The following CNTN4 variants were observed in gnomAD, a reference collection of about 807,000 sequenced individuals.
CNTN4 encodes contactin 4, also known as contactin-4.
Under a neutral mutation model 122.5 loss-of-function variants are expected in CNTN4, and 77 were observed. The ratio of observed to expected loss-of-function variants is 0.63; its 90% CI spans 0.52 to 0.76. The LOEUF is 0.76. CNTN4 is among the 30% of genes least tolerant of loss of function. The pLI, the probability that CNTN4 is intolerant of heterozygous loss-of-function variation, is 0.00. For synonymous variants in CNTN4, 512 were observed against 447.0 expected, an observed-to-expected ratio of 1.15 and a Z score of -1.83; for missense variants, 1,256 against 1,259.1, an observed-to-expected ratio of 1.00 and a Z score of 0.04.
At chr3:2,902,704 A>G (rs1240738435) in intron 11 of CNTN4, among the ~76,000 whole-genome samples, 172 bp from the exon 12 acceptor site, 2 of 152,256 alleles carry the variant, frequency 1.3e-5, no homozygotes, top group African/African-American at 4.8e-5. Context: ...TCCATTTAGC[A>G]TCTGACCTGC....
intron 7 of CNTN4, among the ~76,000 whole-genome samples, chr3:2,855,020 C>T (rs1018040816): frequency 6.6e-6 from 1 of 152,188 alleles, no homozygotes; most frequent in Non-Finnish European, 1.5e-5. Flanking sequence ...TATTTAAGTG[C>T]TGATGGTACG....
chr3:2,120,957 A>T (rs970430827), intron 2 of CNTN4, among the ~76,000 whole-genome samples: 1 of 152,190 alleles, frequency 6.6e-6, no homozygotes, highest in Admixed American at 6.5e-5. Flanking sequence ...CTAGATGAGA[A>T]AACTGAGAAT....
intron 4 of CNTN4, among the ~76,000 whole-genome samples, chr3:2,608,500 T>G (rs2081349107): frequency 6.6e-6 from 1 of 152,196 alleles, no homozygotes; most frequent in African/African-American, 2.4e-5. Context: ...CCCTAGGCTC[T>G]TCTTCCCCTC....
chr3:2,449,895 T>C (rs4440108), intron 3 of CNTN4, among the ~76,000 whole-genome samples: 98,258 of 151,922 alleles, frequency 0.65, 32,078 homozygotes, highest in East Asian at 0.78. Flanking sequence ...CTAAAATAGT[T>C]ACACTCACAG....
intron 12 of CNTN4, among the ~76,000 whole-genome samples, chr3:2,916,203 T>C (rs2094352132): frequency 6.6e-6 from 1 of 152,228 alleles, no homozygotes; most frequent in Non-Finnish European, 1.5e-5. Context: ...TTTTCTTTTT[T>C]TCAATTTTTT....
chr3:2,932,320 G>A (rs1388263119), intron 13 of CNTN4, among the ~76,000 whole-genome samples: 2 of 152,206 alleles, frequency 1.3e-5, no homozygotes, highest in Non-Finnish European at 1.5e-5. Context: ...GGAGCTTGCA[G>A]TGAGCCGAGA....
chr3:2,455,063 A>G (rs192968438), intron 3 of CNTN4, among the ~76,000 whole-genome samples: 4 of 152,264 alleles, frequency 2.6e-5, no homozygotes, highest in Non-Finnish European at 5.9e-5. Flanking sequence ...AAACCAGTAA[A>G]TATGGTGTGG....
At chr3:2,238,676 A>G (rs2039777069) in intron 2 of CNTN4, among the ~76,000 whole-genome samples, 1 of 150,780 alleles carries the variant, frequency 6.6e-6, no homozygotes, top group Admixed American at 6.7e-5. Flanking sequence ...TTGGAACCTA[A>G]CTTACTCCTG....
At chr3:2,568,701 C>T (rs571915512) in intron 3 of CNTN4, among the ~76,000 whole-genome samples, 56 of 152,220 alleles carry the variant, frequency 3.7e-4, no homozygotes, top group African/African-American at 1.3e-3. Context: ...TTACCACTGC[C>T]CACTGACAAA....
At chr3:2,336,531 G>T (rs1244858619) in intron 2 of CNTN4, among the ~76,000 whole-genome samples, 2 of 152,100 alleles carry the variant, frequency 1.3e-5, no homozygotes, top group Non-Finnish European at 2.9e-5. Context: ...CCAGGACTTT[G>T]TATTACTCAC....
chr3:2,116,487 G>A (rs2033362301), intron 2 of CNTN4, among the ~76,000 whole-genome samples: 1 of 152,156 alleles, frequency 6.6e-6, no homozygotes, highest in African/African-American at 2.4e-5. Context: ...CCGAATCAGA[G>A]TCTCTGGGAA....
At chr3:2,148,054 C>T in intron 2 of CNTN4, among the ~76,000 whole-genome samples, 1 of 152,184 alleles carries the variant, frequency 6.6e-6, no homozygotes, top group Non-Finnish European at 1.5e-5. Flanking sequence ...CTTCTTAAGG[C>T]ATGATAGTGT....
chr3:3,034,254 C>T (rs1001144200), intron 16 of CNTN4, among the ~76,000 whole-genome samples: 3 of 152,122 alleles, frequency 2.0e-5, no homozygotes, highest in Admixed American at 6.5e-5. Flanking sequence ...TTCTCACTAC[C>T]GTATCCTCAA....
At chr3:2,313,643 C>T (rs950582901) in intron 2 of CNTN4, among the ~76,000 whole-genome samples, 1 of 152,004 alleles carries the variant, frequency 6.6e-6, no homozygotes, top group Non-Finnish European at 1.5e-5. Flanking sequence ...ATTAGCCATG[C>T]TCATACAGTC....
At chr3:2,337,521 A>G (rs770420016) in intron 2 of CNTN4, among the ~76,000 whole-genome samples, 1 of 152,112 alleles carries the variant, frequency 6.6e-6, no homozygotes, top group Non-Finnish European at 1.5e-5. Flanking sequence ...TTGAGGATGA[A>G]TACTGTTATT....
intron 2 of CNTN4, among the ~76,000 whole-genome samples, chr3:2,113,578 A>G (rs17007814): frequency 0.24 from 37,024 of 152,092 alleles, 4,635 homozygotes; most frequent in East Asian, 0.45. Context: ...CGAAGCCTAA[A>G]TGTCAAGCAT....
intron 3 of CNTN4, among the ~76,000 whole-genome samples, chr3:2,429,617 A>C (rs1488978062): frequency 3.3e-5 from 5 of 152,212 alleles, no homozygotes; most frequent in Admixed American, 2.6e-4. Context: ...GCTGTCAGAC[A>C]GGGACGTTTA....
chr3:2,863,623 T>C (rs1171626665), intron 7 of CNTN4, among the ~76,000 whole-genome samples: 4 of 152,154 alleles, frequency 2.6e-5, no homozygotes, highest in Non-Finnish European at 5.9e-5. Flanking sequence ...ATTTTACTTA[T>C]TGTTTTTTGA....
intron 10 of CNTN4, among the ~76,000 whole-genome samples, chr3:2,887,442 G>C (rs1179846748): frequency 6.6e-6 from 1 of 152,134 alleles, no homozygotes; most frequent in Non-Finnish European, 1.5e-5. Flanking sequence ...AAGACATTAG[G>C]CTGATGTGTT....
Sources: allele counts gnomAD v4.1 joint callset (sites outside exome capture counted in the v4.1 genomes callset), GRCh38; gene constraint gnomAD v4.1.1; transcripts MANE v1.5; gene names NCBI Gene and HGNC (gene_info 2026-07-23, HGNC 2026-07-21).